Variants in ATOSA observed in about 807,000 individuals in gnomAD.
The protein encoded by ATOSA is atos homolog protein A.
At chr15:52,615,889 A>C in the ATOSA span, among the ~76,000 whole-genome samples, 1 of 152,280 alleles carries the variant, frequency 6.6e-6, no homozygotes, top group Middle Eastern at 3.4e-3. Context: ...TATTACTTCT[A>C]TTTTTCAGAT....
chr15:52,706,249 A>G, the ATOSA span, among the ~76,000 whole-genome samples: 4 of 152,238 alleles, frequency 2.6e-5, no homozygotes, highest in Admixed American at 6.5e-5. Context: ...AGTGAACGCA[A>G]TGTTCTCTCA....
At chr15:52,692,367 A>C in the ATOSA span, among the ~76,000 whole-genome samples, 1 of 152,142 alleles carries the variant, frequency 6.6e-6, no homozygotes, top group Non-Finnish European at 1.5e-5. Context: ...GAAAAGAGGA[A>C]AACTTTTGAC....
the ATOSA span, among the ~76,000 whole-genome samples, chr15:52,694,531 A>T: frequency 6.6e-6 from 1 of 152,054 alleles, no homozygotes; most frequent in Non-Finnish European, 1.5e-5. Flanking sequence ...CTACTTTGAG[A>T]CTCAAGAATT....
the ATOSA span, among the ~76,000 whole-genome samples, chr15:52,613,371 TATAAATAA>T: frequency 2.0e-5 from 3 of 152,086 alleles, no homozygotes; most frequent in Non-Finnish European, 4.4e-5. Context: ...GTCTCAAATA[TATAAATAA>T]ATAAAGTAAA....
chr15:52,609,313 T>C, the ATOSA span: 6 of 1,613,918 alleles, frequency 3.7e-6, no homozygotes, highest in South Asian at 5.5e-5. Context: ...CTCATCCTTA[T>C]TTTTCTTCAA....
At chr15:52,611,891 G>T in the ATOSA span, 1 of 928,788 alleles carries the variant, frequency 1.1e-6, no homozygotes, top group Non-Finnish European at 1.6e-6. Context: ...GTCAGCTATT[G>T]CAGAGCTTTG....
chr15:52,661,952 A>AAAC, the ATOSA span, among the ~76,000 whole-genome samples: 42 of 149,376 alleles, frequency 2.8e-4, no homozygotes, highest in African/African-American at 1.0e-3. Context: ...AAAAAAAAAA[A>AAAC]CAGCAAAAAA....
chr15:52,635,807 C>G, the ATOSA span, among the ~76,000 whole-genome samples: 1 of 151,956 alleles, frequency 6.6e-6, no homozygotes, highest in East Asian at 1.9e-4. Context: ...ATCAGCCTGG[C>G]CAACACGGTG....
At chr15:52,616,996 A>G in the ATOSA span, among the ~76,000 whole-genome samples, 1 of 152,182 alleles carries the variant, frequency 6.6e-6, no homozygotes, top group African/African-American at 2.4e-5. Context: ...ACTAGTAACT[A>G]AAGTATATTG....
the ATOSA span, chr15:52,609,826 A>G: frequency 7.4e-6 from 12 of 1,613,814 alleles, no homozygotes; most frequent in Admixed American, 1.2e-4. Flanking sequence ...TAAAGAGCCT[A>G]TTAAAGGGTT....
chr15:52,625,431 A>C, the ATOSA span, among the ~76,000 whole-genome samples: 1 of 152,192 alleles, frequency 6.6e-6, no homozygotes, highest in Non-Finnish European at 1.5e-5. Context: ...GTATTTTCTA[A>C]TATGAAAATA....
the ATOSA span, among the ~76,000 whole-genome samples, chr15:52,628,362 T>A: frequency 6.6e-6 from 1 of 152,184 alleles, no homozygotes; most frequent in Admixed American, 6.5e-5. Context: ...CCTAAGAGAA[T>A]TCTGGAAACA....
the ATOSA span, chr15:52,648,719 A>G: frequency 5.3e-5 from 8 of 152,150 alleles, no homozygotes; most frequent in African/African-American, 1.9e-4. Context: ...TTCACACAGC[A>G]TCCCTCTCAT....
At chr15:52,623,443 G>A in the ATOSA span, among the ~76,000 whole-genome samples, 27 of 152,142 alleles carry the variant, frequency 1.8e-4, no homozygotes, top group African/African-American at 6.3e-4. Flanking sequence ...CATTTGGATA[G>A]TATTTAGAAT....
chr15:52,669,998 A>T, the ATOSA span, among the ~76,000 whole-genome samples: 2 of 152,174 alleles, frequency 1.3e-5, no homozygotes, highest in Non-Finnish European at 2.9e-5. Context: ...CTCTGCCCTG[A>T]TGCTGCTCTA....
the ATOSA span, chr15:52,609,019 TCTTGCTC>T: frequency 6.2e-7 from 1 of 1,613,376 alleles, no homozygotes; most frequent in Admixed American, 1.7e-5. Context: ...ATTGCTCATT[TCTTGCTC>T]CTTGAATCTG....
chr15:52,661,214 C>G, the ATOSA span, among the ~76,000 whole-genome samples: 1 of 152,174 alleles, frequency 6.6e-6, no homozygotes. Flanking sequence ...TTTGAGTCTA[C>G]TTATTACCAT....
chr15:52,595,111 A>G, the ATOSA span, among the ~76,000 whole-genome samples: 4 of 152,130 alleles, frequency 2.6e-5, no homozygotes, highest in African/African-American at 9.7e-5. Flanking sequence ...ATTCCTTCTC[A>G]TCTTTTGTGA....
At chr15:52,667,711 G>A in the ATOSA span, among the ~76,000 whole-genome samples, 1 of 152,164 alleles carries the variant, frequency 6.6e-6, no homozygotes, top group East Asian at 1.9e-4. Flanking sequence ...GCCAGTACCT[G>A]CCAGCTGTAG....
Sources: allele counts gnomAD v4.1 joint callset (sites outside exome capture counted in the v4.1 genomes callset), GRCh38; gene constraint gnomAD v4.1.1; transcripts MANE v1.5; gene names NCBI Gene and HGNC (gene_info 2026-07-23, HGNC 2026-07-21).